The following PIK3C2G variants were observed in gnomAD, a reference collection of about 807,000 sequenced individuals.
The protein encoded by PIK3C2G is phosphatidylinositol-4-phosphate 3-kinase catalytic subunit type 2 gamma.
Under a neutral mutation model 181.1 loss-of-function variants are expected in PIK3C2G, and 168 were observed. The ratio of observed to expected loss-of-function variants is 0.93; its 90% CI spans 0.82 to 1.05. The LOEUF is 1.05. Ranked by LOEUF, PIK3C2G falls within the 50% of genes least tolerant of loss-of-function variation. PIK3C2G has a pLI of 0.00. For synonymous variants in PIK3C2G, 573 were observed against 592.2 expected, an observed-to-expected ratio of 0.97 and a Z score of 0.47; for missense variants, 1,869 against 1,732.8, an observed-to-expected ratio of 1.08 and a Z score of -1.40.
chr12:18,317,751 T>A (rs1950930790), intron 6 of PIK3C2G, among the ~76,000 whole-genome samples: 1 of 152,204 alleles, frequency 6.6e-6, no homozygotes, highest in South Asian at 2.1e-4. Context: ...TGGCCTTCTA[T>A]AAAAAAGCAA....
At chr12:18,264,350 A>G (rs866666096) in intron 1 of PIK3C2G, among the ~76,000 whole-genome samples, 7 of 152,172 alleles carry the variant, frequency 4.6e-5, no homozygotes, top group Middle Eastern at 6.8e-3. Context: ...ATTTACTATC[A>G]TGTTCACTCA....
chr12:18,658,230 A>G, the PIK3C2G span, among the ~76,000 whole-genome samples: 39 of 152,276 alleles, frequency 2.6e-4, no homozygotes, highest in African/African-American at 9.1e-4. Context: ...TTTGCATATT[A>G]GGCATCCCAG....
the PIK3C2G span, chr12:18,685,392 A>G: frequency 5.8e-6 from 1 of 171,884 alleles, no homozygotes; most frequent in African/African-American, 2.3e-5. Flanking sequence ...CTGCTTAATA[A>G]AGACTCAAAG....
chr12:18,318,266 A>T (rs1250330952), intron 6 of PIK3C2G, among the ~76,000 whole-genome samples: 1 of 152,198 alleles, frequency 6.6e-6, no homozygotes, highest in African/African-American at 2.4e-5. Context: ...AGAAAGTAAA[A>T]GTAAACTGGT....
At chr12:18,279,936 TC>T (rs1041144992) in intron 1 of PIK3C2G, among the ~76,000 whole-genome samples, 2 of 152,046 alleles carry the variant, frequency 1.3e-5, no homozygotes, top group African/African-American at 4.8e-5. Context: ...ATTCATTTAT[TC>T]CTTAGGTGAT....
intron 15 of PIK3C2G, among the ~76,000 whole-genome samples, chr12:18,392,345 G>T (rs4763499): frequency 6.6e-6 from 1 of 151,936 alleles, no homozygotes; most frequent in Non-Finnish European, 1.5e-5. Context: ...CACTGAGTGC[G>T]ATCAGGAGTT....
At chr12:18,618,943 T>C (rs545457126) in intron 31 of PIK3C2G, among the ~76,000 whole-genome samples, 1 of 152,130 alleles carries the variant, frequency 6.6e-6, no homozygotes, top group East Asian at 1.9e-4. Context: ...AACAGAAGAT[T>C]GGGAGTCTGT....
chr12:18,716,936 G>A, the PIK3C2G span, among the ~76,000 whole-genome samples: 1 of 152,008 alleles, frequency 6.6e-6, no homozygotes, highest in Non-Finnish European at 1.5e-5. Context: ...TGAGGAAATC[G>A]AGATACACAA....
At chr12:18,262,393 C>A (rs192795395) in intron 1 of PIK3C2G, among the ~76,000 whole-genome samples, 3 of 151,914 alleles carry the variant, frequency 2.0e-5, no homozygotes, top group African/African-American at 7.3e-5. Flanking sequence ...ACTCAGAGAG[C>A]GAGGTTAAAG....
chr12:18,414,674 A>C (rs1945070792), intron 16 of PIK3C2G, among the ~76,000 whole-genome samples: 1 of 152,066 alleles, frequency 6.6e-6, no homozygotes, highest in African/African-American at 2.4e-5. Flanking sequence ...ATAAATTCCC[A>C]AAAGGTAAAT....
rs960587804 is a variant in PIK3C2G, at chr12:18,593,749, G to A, written c.4012-745G>A. Among the ~76,000 whole-genome samples the A allele has an allele frequency of 2.0e-5, 3 of 151,956 alleles. No individual in the cohort carries two copies. In the East Asian group the frequency reaches 5.9e-4, roughly 30 times the overall value. The stretch of plus-strand genomic sequence containing the variant: ...TGGAGATCAGGTTAAATGTCAATTT[G>A]TGATTATCACTATTTAAAAGAGAAG... On this transcript the variant is annotated intron_variant, in intron 29 of 32. Coordinates refer to ENST00000538779, the MANE Select transcript of PIK3C2G (RefSeq NM_001288772.2).
chr12:18,686,171 C>T, the PIK3C2G span, among the ~76,000 whole-genome samples: 1 of 151,946 alleles, frequency 6.6e-6, no homozygotes, highest in Admixed American at 6.6e-5. Context: ...TATACCATGA[C>T]TTTTATATCC....
intron 18 of PIK3C2G, among the ~76,000 whole-genome samples, chr12:18,485,834 C>T (rs1008035636): frequency 6.6e-6 from 1 of 152,126 alleles, no homozygotes; most frequent in African/African-American, 2.4e-5. Context: ...GTTACGGCAT[C>T]TTTTGAAAAG....
intron 29 of PIK3C2G, among the ~76,000 whole-genome samples, chr12:18,589,715 C>A (rs1163909806): frequency 2.0e-5 from 3 of 152,000 alleles, no homozygotes; most frequent in Admixed American, 2.0e-4. Flanking sequence ...AAGAATGGAG[C>A]ACTCAGAGAA....
intron 12 of PIK3C2G, among the ~76,000 whole-genome samples, chr12:18,367,434 T>C (rs1045679735): frequency 6.6e-6 from 1 of 152,196 alleles, no homozygotes; most frequent in African/African-American, 2.4e-5. Flanking sequence ...AGAAGATTCT[T>C]CTCACTCTAG....
At chr12:18,378,881 A>T (rs1344413076) in intron 13 of PIK3C2G, among the ~76,000 whole-genome samples, 8 of 152,226 alleles carry the variant, frequency 5.3e-5, no homozygotes, top group African/African-American at 1.7e-4. Context: ...CTGGAGAGGA[A>T]GTGGAGAAAT....
intron 11 of PIK3C2G, among the ~76,000 whole-genome samples, chr12:18,348,911 A>C (rs1311124421): frequency 6.6e-6 from 1 of 152,154 alleles, no homozygotes; most frequent in African/African-American, 2.4e-5. Flanking sequence ...AGTCATCTCA[A>C]GCTCACTGGG....
At chr12:18,674,621 A>G in the PIK3C2G span, among the ~76,000 whole-genome samples, 5 of 152,176 alleles carry the variant, frequency 3.3e-5, no homozygotes, top group African/African-American at 9.7e-5. Context: ...TCTTGCTGTC[A>G]TGCATTATAG....
the PIK3C2G span, among the ~76,000 whole-genome samples, chr12:18,703,133 C>T: frequency 6.6e-6 from 1 of 152,230 alleles, no homozygotes; most frequent in South Asian, 2.1e-4. Context: ...CAGAATTGGA[C>T]TATGATTTGG....
Sources: allele counts gnomAD v4.1 joint callset (sites outside exome capture counted in the v4.1 genomes callset), GRCh38; gene constraint gnomAD v4.1.1; transcripts MANE v1.5; gene names NCBI Gene and HGNC (gene_info 2026-07-23, HGNC 2026-07-21).